ZPBP: variants seen among roughly 807,000 people sequenced by gnomAD.
The protein encoded by ZPBP is zona pellucida-binding protein 1.
In ZPBP, 26 loss-of-function variants were observed where a neutral mutation model predicts 44.8. That is an observed-to-expected ratio of 0.58 (90% CI 0.43 to 0.81). ZPBP has a LOEUF of 0.81. Ranked by LOEUF, ZPBP falls within the 30% of genes least tolerant of loss-of-function variation. The pLI, the probability that ZPBP is intolerant of heterozygous loss-of-function variation, is 0.00. For missense variants in ZPBP, 409 were observed against 434.0 expected (o/e 0.94, Z 0.51); for synonymous variants, 174 against 153.2 (o/e 1.14, Z -1.00).
chr7:49,848,423 C>G (rs1383022527), downstream of ZPBP, among the ~76,000 whole-genome samples: 1 of 152,204 alleles, frequency 6.6e-6, no homozygotes, highest in African/African-American at 2.4e-5. Flanking sequence ...CCCGGACCAG[C>G]TGTGCATCCC....
chr7:50,023,128 A>C (rs541444431), intron 5 of ZPBP, among the ~76,000 whole-genome samples: 1 of 152,136 alleles, frequency 6.6e-6, no homozygotes, highest in South Asian at 2.1e-4. Flanking sequence ...ATACCTTAAC[A>C]AAGTTTCATT....
intron 6 of ZPBP, among the ~76,000 whole-genome samples, chr7:49,989,747 G>A (rs1343184390): frequency 1.3e-5 from 2 of 152,138 alleles, no homozygotes; most frequent in Non-Finnish European, 2.9e-5. Context: ...AAAGGGGTAT[G>A]GGTAATGTAA....
intron 4 of ZPBP, among the ~76,000 whole-genome samples, chr7:50,053,213 T>C (rs1476609681): frequency 6.6e-6 from 1 of 152,204 alleles, no homozygotes; most frequent in Non-Finnish European, 1.5e-5. Context: ...GTCTGTACTA[T>C]TTCTTGCAAC....
At chr7:49,947,471 G>A (rs1458998604) in intron 7 of ZPBP, among the ~76,000 whole-genome samples, 4 of 152,188 alleles carry the variant, frequency 2.6e-5, no homozygotes, top group Non-Finnish European at 4.4e-5. Flanking sequence ...CAGATGCACT[G>A]CCTTGGAGGT....
At chr7:49,898,309 C>G (rs533038395) in intron 2 of ZPBP, among the ~76,000 whole-genome samples, 1 of 150,440 alleles carries the variant, frequency 6.6e-6, no homozygotes, top group Non-Finnish European at 1.5e-5. Flanking sequence ...AAGAAAACAT[C>G]GAAGTTTTTT....
intron 7 of ZPBP, among the ~76,000 whole-genome samples, chr7:49,981,291 T>C (rs1583969013): frequency 4.2e-5 from 3 of 72,084 alleles, no homozygotes; most frequent in Non-Finnish European, 7.8e-5. Context: ...TATTATATAA[T>C]ATATATTATA....
intron 6 of ZPBP, among the ~76,000 whole-genome samples, chr7:50,011,596 G>A (rs1217201837): frequency 2.6e-5 from 4 of 152,138 alleles, no homozygotes; most frequent in Non-Finnish European, 5.9e-5. Flanking sequence ...AATATATTCC[G>A]CAAGGCTAAA....
the ZPBP span, among the ~76,000 whole-genome samples, chr7:49,843,948 G>C: frequency 6.6e-6 from 1 of 152,188 alleles, no homozygotes; most frequent in African/African-American, 2.4e-5. Flanking sequence ...TGACAGTTAG[G>C]ACTCATTCTA....
chr7:49,995,812 G>A (rs1473917234), intron 6 of ZPBP, among the ~76,000 whole-genome samples: 1 of 152,126 alleles, frequency 6.6e-6, no homozygotes, highest in Non-Finnish European at 1.5e-5. Context: ...ATGTGGGAAC[G>A]AAAAAGTTGT....
chr7:49,939,339 C>T (rs1408077651), intron 7 of ZPBP, among the ~76,000 whole-genome samples: 1 of 152,112 alleles, frequency 6.6e-6, no homozygotes, highest in Non-Finnish European at 1.5e-5. Flanking sequence ...ATAAATATGA[C>T]TTTCTAGTTA....
chr7:49,935,480 A>G (rs562050068), downstream of ZPBP, among the ~76,000 whole-genome samples: 6 of 151,870 alleles, frequency 4.0e-5, no homozygotes, highest in Middle Eastern at 3.4e-3. Flanking sequence ...CTCACTGCAC[A>G]CTCCGCTTTC....
chr7:49,958,845 A>T (rs1795722980), intron 7 of ZPBP, among the ~76,000 whole-genome samples: 1 of 152,232 alleles, frequency 6.6e-6, no homozygotes, highest in Admixed American at 6.5e-5. Context: ...ACAGTAGGAG[A>T]AAACAATGTC....
chr7:49,911,766 ATGCC>A (rs1793452084), intron 1 of ZPBP, among the ~76,000 whole-genome samples: 1 of 151,758 alleles, frequency 6.6e-6, no homozygotes, highest in Non-Finnish European at 1.5e-5. Context: ...GTATAGTGGC[ATGCC>A]CCTGTAATCC....
intron 2 of ZPBP, among the ~76,000 whole-genome samples, chr7:49,895,996 T>C (rs1223581701): frequency 6.6e-6 from 1 of 152,164 alleles, no homozygotes; most frequent in Non-Finnish European, 1.5e-5. Flanking sequence ...CCAAGATTCT[T>C]AGTAGTTATT....
chr7:50,068,050 G>A (rs959716136), intron 3 of ZPBP, among the ~76,000 whole-genome samples: 1 of 152,158 alleles, frequency 6.6e-6, no homozygotes, highest in Non-Finnish European at 1.5e-5. Context: ...CCTAAAGCTG[G>A]AGCCTGAGTC....
chr7:50,058,485 A>T (rs1477607793), intron 3 of ZPBP, among the ~76,000 whole-genome samples: 3 of 152,156 alleles, frequency 2.0e-5, no homozygotes, highest in Non-Finnish European at 2.9e-5. Flanking sequence ...ACATACATAT[A>T]TACATATACT....
At chr7:49,885,509 G>A (rs943652550) in intron 2 of ZPBP, among the ~76,000 whole-genome samples, 5 of 151,520 alleles carry the variant, frequency 3.3e-5, no homozygotes, top group African/African-American at 7.3e-5. Flanking sequence ...GGTAAAACTC[G>A]TTATATAATT....
intron 6 of ZPBP, 45 bp downstream of exon 6, chr7:50,018,195 T>C (rs1798909566): frequency 2.1e-6 from 3 of 1,450,214 alleles, no homozygotes; most frequent in Non-Finnish European, 2.9e-6. Flanking sequence ...ATGGGGCATG[T>C]TCATTTAACT....
chr7:49,909,117 T>G (rs1270074904), intron 1 of ZPBP, among the ~76,000 whole-genome samples: 1 of 152,176 alleles, frequency 6.6e-6, no homozygotes, highest in Non-Finnish European at 1.5e-5. Context: ...AATAATTAAT[T>G]TAATCAGTCC....
Sources: gnomAD v4.1 joint callset for allele counts (sites outside exome capture counted in the v4.1 genomes callset) on GRCh38, gnomAD v4.1.1 for gene constraint, MANE v1.5 for transcripts, NCBI Gene and HGNC (gene_info 2026-07-23, HGNC 2026-07-21) for gene names.